The following DTHD1 variants were observed in gnomAD, a reference collection of about 807,000 sequenced individuals.
DTHD1 encodes the protein death domain containing 1.
DTHD1 carries 59 observed loss-of-function variants against 74.8 expected under a neutral mutation model. The observed-to-expected ratio is 0.79, with a 90% CI of 0.64 to 0.98. DTHD1 has a LOEUF of 0.98. Among genes scored for constraint, DTHD1 ranks in the 50% least tolerant of loss-of-function variants. DTHD1 has a pLI of 0.00. For missense variants in DTHD1, 1,051 were observed against 1,065.4 expected, an observed-to-expected ratio of 0.99 and a Z score of 0.19; for synonymous variants, 365 against 371.1, an observed-to-expected ratio of 0.98 and a Z score of 0.19.
rs376420804 is a variant in DTHD1, at chr4:36,316,265, G to C, written c.2119G>C (p.Asp707His). Residue 707 changes from aspartate to histidine, a missense_variant, in exon 8 of 10, where the codon GAC (aspartate) becomes CAC (histidine). Asp to His is a moderately conservative substitution (Grantham distance 81). Transcript: ENST00000639862. The stretch of plus-strand genomic sequence containing the variant: ...AGGCAACGGGAAGGATTATGGAAAA[G>C]ACTACACACTTATTTTTCACTTGCA... ...ASSNGKDYGK[D>H]YTLIFHLQRK... The C allele has an allele frequency of 1.3e-6, 2 of 1,551,476 alleles. No individual in the cohort carries two copies. Among genetic ancestry groups the C allele is most frequent in the Non-Finnish European group, 1.7e-6 (2 of 1,146,922 alleles).
chr4:36,286,989 A>G (rs1027689528), intron 2 of DTHD1, among the ~76,000 whole-genome samples: 24 of 150,206 alleles, frequency 1.6e-4, no homozygotes, highest in African/African-American at 3.7e-4. Context: ...ATTTTTTTTT[A>G]TTTCAATAGG....
At chr4:36,283,013 A>C (rs1434814953) in intron 1 of DTHD1, among the ~76,000 whole-genome samples, 1 of 152,208 alleles carries the variant, frequency 6.6e-6, no homozygotes, top group Non-Finnish European at 1.5e-5. Flanking sequence ...AACAAAACAA[A>C]ACAAAACACA....
chr4:36,308,159 G>A, intron 6 of DTHD1, 45 bp from the exon 7 acceptor site: 2 of 1,520,812 alleles, frequency 1.3e-6, no homozygotes, highest in African/African-American at 2.8e-5. Flanking sequence ...TGATGTTCTT[G>A]ACACTGCATT....
At chr4:36,336,405 A>T (rs1337889852) in intron 8 of DTHD1, among the ~76,000 whole-genome samples, 1 of 152,238 alleles carries the variant, frequency 6.6e-6, no homozygotes, top group Non-Finnish European at 1.5e-5. Context: ...AAATGCTAGC[A>T]CTTGGGGGAA....
chr4:36,306,111 C>A, intron 5 of DTHD1, 80 bp from the exon 6 acceptor site: 2 of 1,280,810 alleles, frequency 1.6e-6, no homozygotes, highest in Non-Finnish European at 2.2e-6. Context: ...TTAGATCATT[C>A]ACAATGAAAG....
chr4:36,343,605 G>C lies in DTHD1; in HGVS notation c.2502G>C (p.Gln834His). The C allele has an allele frequency of 2.6e-6, 4 of 1,551,630 alleles. No homozygotes were observed. The highest frequency in any genetic ancestry group is 3.5e-6 in the Non-Finnish European group (4 of 1,146,920). Reference sequence around the variant, plus strand: ...TCCCTCTGCGCCGTAGCACCATTCAGCTCATCAAACTCAAGAACCCTGATG... The same window carrying C: ...TCCCTCTGCGCCGTAGCACCATTCACCTCATCAAACTCAAGAACCCTGATG... ...STLPLRRSTI[Q>H]LIKLKNPDDL... Residue 834 changes from glutamine (Q) to histidine (H), a missense_variant, in exon 10 of 10, where the codon CAG becomes CAC. Physicochemically the swap from Gln to His is conservative, Grantham distance 24 (BLOSUM62 0). Transcript: ENST00000639862.
intron 8 of DTHD1, among the ~76,000 whole-genome samples, chr4:36,334,655 C>T (rs984639344): frequency 6.6e-6 from 1 of 152,196 alleles, no homozygotes; most frequent in Admixed American, 6.5e-5. Context: ...CCACCATGCT[C>T]AGCACACTGC....
rs1578437042 is a variant in DTHD1, at chr4:36,290,283, T to G, written c.888-90T>G. 6 of 1,290,746 alleles carry G rather than the reference T, an allele frequency of 4.6e-6. No homozygotes were observed. In the East Asian group the frequency reaches 1.3e-4, roughly 27 times the overall value. 80.0% of individuals were successfully genotyped at this position (1,290,746 alleles called of 1,614,324 possible). Reference sequence around the variant, plus strand: ...AGAACTGGAATTCACACCAAGACAATGTAGATCTAGAGTCTGTGCTTTTCT... The same window carrying G: ...AGAACTGGAATTCACACCAAGACAAGGTAGATCTAGAGTCTGTGCTTTTCT... On this transcript the variant is annotated intron_variant, in intron 2 of 9. Transcript: ENST00000639862.
intron 1 of DTHD1, 33 bp downstream of exon 1, chr4:36,282,062 C>T: frequency 1.3e-6 from 2 of 1,497,146 alleles, no homozygotes; most frequent in Non-Finnish European, 1.8e-6. Flanking sequence ...TATTCTTTCT[C>T]TAAGAAATAT....
chr4:36,339,231 ATG>A, intron 9 of DTHD1, 62 bp downstream of exon 9: 1 of 1,127,638 alleles, frequency 8.9e-7, no homozygotes, highest in Non-Finnish European at 1.3e-6. Context: ...TGTTGTATAT[ATG>A]TGAATCATTT....
chr4:36,284,714 A>C (rs1755603608), intron 2 of DTHD1, 123 bp downstream of exon 2: 1 of 789,684 alleles, frequency 1.3e-6, no homozygotes, highest in Admixed American at 3.4e-5. Flanking sequence ...AGTAGCTTTT[A>C]AACAACAGAT....
intron 7 of DTHD1, 44 bp downstream of exon 7, chr4:36,308,537 C>G (rs1042396378): frequency 1.2e-5 from 17 of 1,455,576 alleles, no homozygotes; most frequent in Non-Finnish European, 1.2e-5. Context: ...TGGCTATAAG[C>G]CACAAGCTCT....
chr4:36,291,239 G>T (rs143356886), intron 3 of DTHD1, among the ~76,000 whole-genome samples: 2 of 152,320 alleles, frequency 1.3e-5, no homozygotes, highest in East Asian at 3.9e-4. Context: ...GAAGAAGACT[G>T]GTTAGGTTTG....
intron 5 of DTHD1, among the ~76,000 whole-genome samples, chr4:36,300,018 A>G (rs1159577666): frequency 6.6e-6 from 1 of 152,098 alleles, no homozygotes; most frequent in Non-Finnish European, 1.5e-5. Flanking sequence ...AATTATCTTT[A>G]GAGTTTCTTC....
chr4:36,286,977 T>G (rs1755751495), intron 2 of DTHD1, among the ~76,000 whole-genome samples: 1 of 152,176 alleles, frequency 6.6e-6, no homozygotes, highest in Non-Finnish European at 1.5e-5. Context: ...AAAATTTTTC[T>G]TATTTTTTTT....
At chr4:36,314,906 C>A (rs1757625776) in intron 7 of DTHD1, among the ~76,000 whole-genome samples, 1 of 152,018 alleles carries the variant, frequency 6.6e-6, no homozygotes. Context: ...ATTTCCTAAA[C>A]AATCCTAGAA....
chr4:36,295,039 G>A lies in DTHD1; in HGVS notation c.1643G>A (p.Arg548Gln), dbSNP rs769705093. The A allele has an allele frequency of 2.2e-5, 33 of 1,525,610 alleles. No individual in the cohort carries two copies. Among genetic ancestry groups the A allele is most frequent in the Admixed American group, 8.1e-5 (4 of 49,478 alleles). The allele number at this position is 1,525,610 out of a possible 1,614,324, so 94.5% of individuals were successfully genotyped here. ...INRITPSYFN[R>Q]TKIASIRKPR... ...AGGATTACACCTTCGTATTTCAACC[G>A]GTGAGTAAGTTTCTAATATTGTAAA... is the stretch of plus-strand genomic sequence containing the variant. Residue 548 changes from arginine (R) to glutamine (Q), a missense_variant and splice_region_variant, in exon 5 of 10, where the codon CGG (arginine) becomes CAG (glutamine). Transcript: ENST00000639862.
At chr4:36,324,137 T>C (rs77556016) in intron 8 of DTHD1, among the ~76,000 whole-genome samples, 5,200 of 151,912 alleles carry the variant, frequency 0.034, 144 homozygotes, top group South Asian at 0.13. Flanking sequence ...TCCCTTCTCC[T>C]CCCCCCCATT....
chr4:36,295,263 A>G (rs1756331644), intron 5 of DTHD1, among the ~76,000 whole-genome samples: 1 of 152,172 alleles, frequency 6.6e-6, no homozygotes, highest in South Asian at 2.1e-4. Flanking sequence ...AGACAATAAG[A>G]ACTCTAGCAG....
Sources: allele counts gnomAD v4.1 joint callset (sites outside exome capture counted in the v4.1 genomes callset), GRCh38; gene constraint gnomAD v4.1.1; transcripts MANE v1.5; gene names NCBI Gene and HGNC (gene_info 2026-07-23, HGNC 2026-07-21).